PCDHA3: variants seen among roughly 807,000 people sequenced by gnomAD.
PCDHA3 encodes the protein protocadherin alpha-3.
PCDHA3 carries 41 observed loss-of-function variants against 62.2 expected under a neutral mutation model. The ratio of observed to expected loss-of-function variants is 0.66; its 90% CI spans 0.51 to 0.86. The LOEUF is 0.86. PCDHA3 is among the 40% of genes least tolerant of loss of function. The probability of loss-of-function intolerance (pLI) is 0.00; values close to 1 mark genes in which losing one functional copy is unlikely to be tolerated. For missense variants in PCDHA3, 1,304 were observed against 1,241.2 expected (o/e 1.05, Z -0.76); for synonymous variants, 640 against 555.4 (o/e 1.15, Z -2.14).
intron 1 of PCDHA3, among the ~76,000 whole-genome samples, chr5:140,950,992 G>A (rs2094539287): frequency 6.6e-6 from 1 of 151,384 alleles, no homozygotes; most frequent in Admixed American, 6.6e-5. Flanking sequence ...GCCTCTTTTA[G>A]CTCCATTTTT....
At chr5:140,875,430 C>G in intron 1 of PCDHA3, 1 of 1,557,170 alleles carries the variant, frequency 6.4e-7, no homozygotes. Context: ...CAAGCGATCC[C>G]TTAAAACTGA....
At chr5:140,995,738 T>G (rs1441000111) in intron 3 of PCDHA3, among the ~76,000 whole-genome samples, 1 of 152,150 alleles carries the variant, frequency 6.6e-6, no homozygotes, top group Non-Finnish European at 1.5e-5. Context: ...CTGGTGGATT[T>G]GGTATATCAT....
At chr5:140,857,799 T>A (rs1554150681) in intron 1 of PCDHA3, 1 of 1,597,340 alleles carries the variant, frequency 6.3e-7, no homozygotes, top group Non-Finnish European at 8.6e-7. Flanking sequence ...CTGCGGTCGG[T>A]GGTTGCGGGT....
Position 140,802,368 on chromosome 5 carries a change from C to T in PCDHA3, c.1171C>T (p.Pro391Ser), listed in dbSNP as rs781811725. 3 of 1,614,230 alleles carry T rather than the reference C, an allele frequency of 1.9e-6. No individual in the cohort carries two copies. The South Asian group carries it at 3.3e-5, about 18-fold the overall frequency. The stretch of plus-strand genomic sequence containing the variant: ...TGGACAGGTCACCTGCTCGCTGACG[C>T]CCCACGTCCCCTTCAAGCTGGTGTC... ...VNGQVTCSLTPHVPFKLVSTF... is the reference protein window; with the variant it reads ...VNGQVTCSLTSHVPFKLVSTF... The change falls in exon 1 of 4, where the codon CCC becomes TCC. Residue 391 changes from proline to serine, a missense_variant. Transcript: ENST00000522353.
At chr5:140,942,754 A>C (rs1157116096) in intron 1 of PCDHA3, among the ~76,000 whole-genome samples, 1 of 152,212 alleles carries the variant, frequency 6.6e-6, no homozygotes, top group African/African-American at 2.4e-5. Context: ...TGTATAAATG[A>C]GATGGCATAA....
chr5:140,892,311 T>C (rs1042617869), intron 1 of PCDHA3, among the ~76,000 whole-genome samples: 1 of 152,222 alleles, frequency 6.6e-6, no homozygotes, highest in Non-Finnish European at 1.5e-5. Flanking sequence ...TTGGGGCTTA[T>C]AACATTTTCT....
chr5:140,825,415 A>AAT (rs782208695), intron 1 of PCDHA3: 2 of 146,774 alleles, frequency 1.4e-5, no homozygotes, highest in African/African-American at 4.9e-5. Context: ...TATTTTATAT[A>AAT]ATATATATAA....
At chr5:140,807,184 A>G in intron 1 of PCDHA3, 2 of 1,612,714 alleles carry the variant, frequency 1.2e-6, no homozygotes, top group Non-Finnish European at 1.7e-6. Context: ...ACTGTGCACT[A>G]AAGATGGAGT....
At chr5:140,967,214 C>T (rs2096114688) in intron 1 of PCDHA3, 10 of 1,613,692 alleles carry the variant, frequency 6.2e-6, no homozygotes, top group Non-Finnish European at 8.5e-6. Context: ...GCGTTTCCCG[C>T]GGCCCAACTA....
Position 141,010,180 on chromosome 5 carries a change from AC to A in PCDHA3, c.*246del. The stretch of plus-strand genomic sequence containing the variant: ...CTTGTTTTCAGAACCTAAAAAGCAG[AC>A]CCAAGTTTCCTTTCTCCTCCGCCGC... On this transcript the variant is annotated 3_prime_UTR_variant, in exon 4 of 4. Coordinates refer to ENST00000522353, the MANE Select transcript of PCDHA3 (RefSeq NM_018906.3). 2 of 1,554,710 alleles carry A rather than the reference AC, an allele frequency of 1.3e-6. No individual in the cohort carries two copies. The highest frequency in any genetic ancestry group is 1.7e-6 in the Non-Finnish European group (2 of 1,148,310).
intron 2 of PCDHA3, among the ~76,000 whole-genome samples, chr5:140,980,278 GAAAAGT>G (rs1267614144): frequency 6.6e-6 from 1 of 152,166 alleles, no homozygotes; most frequent in Non-Finnish European, 1.5e-5. Context: ...ACCAACTCTT[GAAAAGT>G]ACCAAAGCTA....
At chr5:140,917,498 G>A (rs1303014069) in intron 1 of PCDHA3, among the ~76,000 whole-genome samples, 2 of 152,204 alleles carry the variant, frequency 1.3e-5, no homozygotes, top group African/African-American at 4.8e-5. Context: ...TGCCCAGAAT[G>A]ATATTTTCTA....
At chr5:140,943,316 A>G (rs1326467105) in intron 1 of PCDHA3, among the ~76,000 whole-genome samples, 3 of 151,868 alleles carry the variant, frequency 2.0e-5, no homozygotes, top group African/African-American at 4.8e-5. Context: ...ATTATTAGCA[A>G]TATTGTGTAG....
At position 140,857,332 on chromosome 5, in the gene PCDHA3, C is replaced by G. The variant is rs782461373; in HGVS notation, c.2394+53741C>G. The G allele has an allele frequency of 1.9e-6, 3 of 1,598,330 alleles. 1 individual carries two copies. The highest frequency in any genetic ancestry group is 2.6e-6 in the Non-Finnish European group (3 of 1,167,876). On this transcript the variant is annotated intron_variant, in intron 1 of 3. Transcript: ENST00000522353. Reference sequence around the variant, plus strand: ...ATGAGCTGGTGGTGACCGCGCGGGACGGGGGCTCGCCTCCGCTGTGGGCCA... The same window carrying G: ...ATGAGCTGGTGGTGACCGCGCGGGAGGGGGGCTCGCCTCCGCTGTGGGCCA...
chr5:140,930,702 A>T (rs1359159980), intron 1 of PCDHA3, among the ~76,000 whole-genome samples: 1 of 152,234 alleles, frequency 6.6e-6, no homozygotes, highest in African/African-American at 2.4e-5. Context: ...CTTGTAAGTT[A>T]TTCTTCCTCA....
chr5:140,809,268 T>G (rs1554125113), intron 1 of PCDHA3: 1 of 1,614,118 alleles, frequency 6.2e-7, no homozygotes, highest in South Asian at 1.1e-5. Context: ...GCTGCGCTGG[T>G]GGATGTCAAC....
intron 3 of PCDHA3, among the ~76,000 whole-genome samples, chr5:140,985,935 T>C (rs1563529145): frequency 6.6e-6 from 1 of 151,974 alleles, no homozygotes; most frequent in African/African-American, 2.4e-5. Context: ...GAGCCGGGGT[T>C]TCACTGTGTT....
At position 140,843,615 on chromosome 5, in the gene PCDHA3, C is replaced by G. The variant is rs111750019; in HGVS notation, c.2394+40024C>G. ...AGGGTGTGCTCTGGTGAGGGGCCAC[C>G]GAAGACGGACCTCATGGCCTTCAGC... On this transcript the variant is annotated intron_variant, in intron 1 of 3. Coordinates refer to ENST00000522353, the MANE Select transcript of PCDHA3 (RefSeq NM_018906.3). The G allele has an allele frequency of 2.1e-5, 33 of 1,595,902 alleles. 4 individuals are homozygous for G. Among genetic ancestry groups the G allele is most frequent in the Middle Eastern group, 3.3e-4 (2 of 6,016 alleles).
rs2150304405 is a variant in PCDHA3, at chr5:140,840,185, G to A, written c.2394+36594G>A. On this transcript the variant is annotated intron_variant, in intron 1 of 3. Transcript: ENST00000522353. The stretch of plus-strand genomic sequence containing the variant: ...GGGATGTATACAAATTTTAAATATG[G>A]TAGGCAAAGGAAAAGAAGTCATAAA... 1.2e-3 allele frequency among the ~76,000 whole-genome samples: 185 copies of A among 152,064 alleles called. 3 individuals carry two copies. The highest frequency in any genetic ancestry group is 4.4e-3 in the African/African-American group (182 of 41,478).
Sources: gnomAD v4.1 joint callset for allele counts (sites outside exome capture counted in the v4.1 genomes callset) on GRCh38, gnomAD v4.1.1 for gene constraint, MANE v1.5 for transcripts, NCBI Gene and HGNC (gene_info 2026-07-23, HGNC 2026-07-21) for gene names.